Variants in ASTN2 observed in about 807,000 individuals in gnomAD.
ASTN2 encodes the protein astrotactin 2.
Under a neutral mutation model 139.8 loss-of-function variants are expected in ASTN2, and 54 were observed. That is an observed-to-expected ratio of 0.39 (90% CI 0.31 to 0.48). The LOEUF (loss-of-function observed/expected upper bound fraction) is 0.48, where lower values mean the gene tolerates loss of function less well. ASTN2 is among the 20% of genes least tolerant of loss of function. The pLI is 0.95. For synonymous variants in ASTN2, 756 were observed against 719.5 expected, an observed-to-expected ratio of 1.05 and a Z score of -0.81; for missense variants, 1,565 against 1,725.1, an observed-to-expected ratio of 0.91 and a Z score of 1.64.
intron 2 of ASTN2, among the ~76,000 whole-genome samples, chr9:117,230,904 T>G (rs1460563279): frequency 6.6e-6 from 1 of 152,190 alleles, no homozygotes; most frequent in African/African-American, 2.4e-5. Flanking sequence ...ACTCGCCTTT[T>G]AAGACAGAGC....
At chr9:116,964,890 A>G (rs1835971883) in intron 10 of ASTN2, among the ~76,000 whole-genome samples, 1 of 152,224 alleles carries the variant, frequency 6.6e-6, no homozygotes, top group Admixed American at 6.5e-5. Flanking sequence ...AGACAGTTCC[A>G]TTTCAAATTC....
chr9:116,920,837 C>T (rs759998992), intron 10 of ASTN2, among the ~76,000 whole-genome samples: 8 of 152,206 alleles, frequency 5.3e-5, no homozygotes, highest in Non-Finnish European at 1.0e-4. Flanking sequence ...CTCAAGACAA[C>T]GTAGCTAGTA....
chr9:116,508,451 T>C (rs1022074224), intron 19 of ASTN2, among the ~76,000 whole-genome samples: 1 of 152,124 alleles, frequency 6.6e-6, no homozygotes, highest in Non-Finnish European at 1.5e-5. Flanking sequence ...GACCAGTCAA[T>C]TTTTTGTGAA....
intron 10 of ASTN2, among the ~76,000 whole-genome samples, chr9:116,878,698 C>T (rs1485838929): frequency 2.6e-5 from 4 of 152,054 alleles, no homozygotes; most frequent in Middle Eastern, 3.4e-3. Context: ...TATTCCAGAA[C>T]TTAAACTTAT....
intron 10 of ASTN2, among the ~76,000 whole-genome samples, chr9:116,868,983 G>A (rs932302012): frequency 1.1e-4 from 17 of 152,238 alleles, no homozygotes; most frequent in Non-Finnish European, 1.3e-4. Context: ...TCAGGAGTTC[G>A]AGACCAGCCT....
chr9:116,939,976 T>C (rs900250460), intron 10 of ASTN2, among the ~76,000 whole-genome samples: 1 of 152,204 alleles, frequency 6.6e-6, no homozygotes, highest in Non-Finnish European at 1.5e-5. Context: ...GGGATGTTGG[T>C]GTATGCAAGC....
At chr9:116,514,706 T>TC (rs986921769) in intron 19 of ASTN2, among the ~76,000 whole-genome samples, 1 of 151,976 alleles carries the variant, frequency 6.6e-6, no homozygotes, top group Non-Finnish European at 1.5e-5. Context: ...CAGCAAAGCC[T>TC]CCCCCAGCCT....
At chr9:116,766,622 C>T (rs1415041460) in intron 13 of ASTN2, among the ~76,000 whole-genome samples, 4 of 151,980 alleles carry the variant, frequency 2.6e-5, no homozygotes, top group African/African-American at 9.7e-5. Context: ...TACATATTTA[C>T]AGTCAGATAC....
chr9:116,588,768 T>C (rs143089207), intron 19 of ASTN2, among the ~76,000 whole-genome samples: 15 of 152,340 alleles, frequency 9.8e-5, no homozygotes, highest in East Asian at 3.9e-4. Flanking sequence ...GCATAGTTCA[T>C]ACTTCAACGT....
chr9:117,409,498 G>T (rs1831101763), intron 1 of ASTN2, among the ~76,000 whole-genome samples: 1 of 152,148 alleles, frequency 6.6e-6, no homozygotes, highest in Admixed American at 6.5e-5. Flanking sequence ...TACCGTTAGG[G>T]GTCAGCATAC....
chr9:116,753,799 T>TA (rs1173865392), intron 13 of ASTN2, among the ~76,000 whole-genome samples: 2 of 148,090 alleles, frequency 1.4e-5, no homozygotes, highest in Non-Finnish European at 2.9e-5. Context: ...CTTTTTTTTT[T>TA]ATTATTATAC....
chr9:116,711,025 T>C (rs1449495657), intron 16 of ASTN2, among the ~76,000 whole-genome samples: 4 of 152,164 alleles, frequency 2.6e-5, no homozygotes, highest in African/African-American at 9.7e-5. Flanking sequence ...ACTCAGGGAC[T>C]GGATATAGAA....
At position 117,120,049 on chromosome 9, in the gene ASTN2, T is replaced by TATATATATATATATAC. The variant is rs1433485798; in HGVS notation, c.1168+21276_1168+21277insGTATATATATATATAT. On this transcript the variant is annotated intron_variant, in intron 4 of 22. Coordinates refer to ENST00000313400, the MANE Select transcript of ASTN2 (RefSeq NM_001365068.1). ...ATATATATATATATATATATATATA[T>TATATATATATATATAC]ACCCTGAGTATATATACTCAGAGAT... 9.3e-4 allele frequency among the ~76,000 whole-genome samples: 120 copies of TATATATATATATATAC among 129,338 alleles called. 3 individuals are homozygous for TATATATATATATATAC. Among genetic ancestry groups the TATATATATATATATAC allele is most frequent in the African/African-American group, 3.5e-3 (111 of 31,768 alleles). 84.9% of individuals were successfully genotyped at this position (129,338 alleles called of 152,430 possible).
intron 2 of ASTN2, among the ~76,000 whole-genome samples, chr9:117,264,671 C>G (rs1055223755): frequency 2.0e-5 from 3 of 152,204 alleles, no homozygotes; most frequent in Non-Finnish European, 2.9e-5. Flanking sequence ...AACTGGTCTT[C>G]CCCATATTCT....
At chr9:116,919,640 A>ATTTTTTT (rs72054196) in intron 10 of ASTN2, among the ~76,000 whole-genome samples, 6 of 113,566 alleles carry the variant, frequency 5.3e-5, no homozygotes, top group African/African-American at 1.1e-4. Context: ...CAAAAACATC[A>ATTTTTTT]TTTTTTTTTT....
chr9:116,608,009 T>C (rs985444392), intron 19 of ASTN2, among the ~76,000 whole-genome samples: 1 of 152,072 alleles, frequency 6.6e-6, no homozygotes, highest in African/African-American at 2.4e-5. Context: ...CAACTGGAAA[T>C]TAGGCAACAA....
At chr9:117,268,707 G>C (rs150671935) in intron 2 of ASTN2, among the ~76,000 whole-genome samples, 3 of 152,126 alleles carry the variant, frequency 2.0e-5, no homozygotes, top group Non-Finnish European at 4.4e-5. Context: ...TGTTTCAAGC[G>C]GGTCAAAACA....
At chr9:116,765,818 C>G (rs1296217955) in intron 13 of ASTN2, among the ~76,000 whole-genome samples, 1 of 152,062 alleles carries the variant, frequency 6.6e-6, no homozygotes, top group Non-Finnish European at 1.5e-5. Flanking sequence ...CAGAGTGACA[C>G]TTGGAAGGAA....
intron 19 of ASTN2, among the ~76,000 whole-genome samples, chr9:116,535,136 G>C (rs917905795): frequency 1.3e-5 from 2 of 152,060 alleles, no homozygotes; most frequent in Non-Finnish European, 2.9e-5. Context: ...TGTCTCTTTT[G>C]ATCTTTATTG....
Sources: gnomAD v4.1 joint callset for allele counts (sites outside exome capture counted in the v4.1 genomes callset) on GRCh38, gnomAD v4.1.1 for gene constraint, MANE v1.5 for transcripts, NCBI Gene and HGNC (gene_info 2026-07-23, HGNC 2026-07-21) for gene names.